The following CAPN7 variants were observed in gnomAD, a reference collection of about 807,000 sequenced individuals.
CAPN7 encodes calpain 7.
A neutral mutation model predicts 115.2 loss-of-function variants in CAPN7; 72 were observed. The observed-to-expected ratio is 0.63, with a 90% confidence interval of 0.52 to 0.76. The LOEUF (loss-of-function observed/expected upper bound fraction) is 0.76, where lower values mean the gene tolerates loss of function less well. Ranked by LOEUF, CAPN7 falls within the 30% of genes least tolerant of loss-of-function variation. The probability of loss-of-function intolerance (pLI) is 0.00; values close to 1 mark genes in which losing one functional copy is unlikely to be tolerated. For missense variants in CAPN7, 905 were observed against 971.5 expected, an observed-to-expected ratio of 0.93 and a Z score of 0.91; for synonymous variants, 344 against 322.3, an observed-to-expected ratio of 1.07 and a Z score of -0.72.
chr3:15,217,547 T>C lies in CAPN7; in HGVS notation c.334T>C (p.Leu112=), dbSNP rs1219404090. The C allele has an allele frequency of 3.7e-6, 6 of 1,613,740 alleles. No individual in the cohort carries two copies. The highest frequency in any genetic ancestry group is 4.2e-6 in the Non-Finnish European group (5 of 1,179,838). The change falls in exon 3 of 21, where the codon TTG becomes CTG. Residue 112 remains leucine, a synonymous_variant. Transcript: ENST00000253693. ...AGAGAATGTTGAAGATGCTATAGAA[T>C]TGTACACAGAAGCTGTGGATCTCTG... is the stretch of plus-strand genomic sequence containing the variant. ...EKENVEDAIE[L]YTEAVDLCLK... is the part of the protein sequence containing the mutation.
At position 15,230,427 on chromosome 3, in the gene CAPN7, T is replaced by C; in HGVS notation, c.939-15T>C. 6 of 1,541,606 alleles carry C rather than the reference T, an allele frequency of 3.9e-6. No individual in the cohort carries two copies. Among genetic ancestry groups the C allele is most frequent in the Non-Finnish European group, 5.4e-6 (6 of 1,114,208 alleles). ...ACTAATGTTGGTATTTTAATATTTA[T>C]TTTTCTTACAAAAGCATAATTTACC... On this transcript the variant is annotated splice_polypyrimidine_tract_variant and intron_variant, in intron 8 of 20. Transcript: ENST00000253693.
chr3:15,225,084 A>G (rs1174453028), intron 6 of CAPN7, among the ~76,000 whole-genome samples: 1 of 152,212 alleles, frequency 6.6e-6, no homozygotes, highest in African/African-American at 2.4e-5. Context: ...AAACTACCTC[A>G]TAATGTTACT....
chr3:15,231,326 A>G (rs1410316779), intron 9 of CAPN7, among the ~76,000 whole-genome samples: 2 of 152,208 alleles, frequency 1.3e-5, no homozygotes, highest in Admixed American at 1.3e-4. Flanking sequence ...CATTTCTAAC[A>G]AGATTCCAGG....
chr3:15,234,231 G>A (rs999626452), intron 11 of CAPN7, among the ~76,000 whole-genome samples: 1 of 152,166 alleles, frequency 6.6e-6, no homozygotes, highest in Non-Finnish European at 1.5e-5. Flanking sequence ...CAGGAGAATC[G>A]CTTGAACGCA....
chr3:15,210,468 G>A (rs934139764), intron 1 of CAPN7, among the ~76,000 whole-genome samples: 3 of 148,480 alleles, frequency 2.0e-5, no homozygotes, highest in African/African-American at 7.9e-5. Context: ...TACATGTAAA[G>A]TTATACTTTC....
chr3:15,212,384 C>T (rs1352085808), intron 2 of CAPN7, among the ~76,000 whole-genome samples, 172 bp downstream of exon 2: 1 of 152,124 alleles, frequency 6.6e-6, no homozygotes, highest in Non-Finnish European at 1.5e-5. Flanking sequence ...AGAAATAAGT[C>T]ATAGATCTTT....
chr3:15,224,450 T>G (rs1004595840), intron 6 of CAPN7, among the ~76,000 whole-genome samples: 12 of 152,044 alleles, frequency 7.9e-5, no homozygotes, highest in Admixed American at 2.6e-4. Context: ...TTTTTGTATT[T>G]TTGGTAGAGA....
rs1227132353 is a variant in CAPN7, at chr3:15,232,584, C to G, written c.1098C>G (p.Asn366Lys). 6.2e-7 allele frequency: 1 copy of G among 1,612,272 alleles called. No homozygotes were observed. Among genetic ancestry groups the G allele is most frequent in the Non-Finnish European group, 8.5e-7 (1 of 1,179,128 alleles). The change falls in exon 10 of 21, where the codon AAC (asparagine) becomes AAG (lysine). Residue 366 changes from asparagine (N) to lysine (K), a missense_variant. This residue lies in a region of CAPN7 where 620 missense variants were observed against 703.4 expected (regional missense o/e 0.88). Coordinates refer to ENST00000253693, the MANE Select transcript of CAPN7 (RefSeq NM_014296.3). ...AATTGCTCTGTTCTTATTCCAACAA[C>G]AAAAGTGAATTATGGGTTTCTCTCA... The part of the protein sequence containing the change: ...KGELLCSYSN[N>K]KSELWVSLIE...
At chr3:15,208,339 C>T (rs1488424762) in intron 1 of CAPN7, among the ~76,000 whole-genome samples, 3 of 151,700 alleles carry the variant, frequency 2.0e-5, no homozygotes, top group East Asian at 3.9e-4. Context: ...GCCTGGAGTG[C>T]CGTGGCCCAC....
intron 19 of CAPN7, among the ~76,000 whole-genome samples, chr3:15,249,335 A>G (rs1695865522): frequency 6.6e-6 from 1 of 152,080 alleles, no homozygotes; most frequent in South Asian, 2.1e-4. Flanking sequence ...TTTTTTAATT[A>G]TAAGCATGAA....
rs1694904424 is a variant in CAPN7 at position 15,235,007 on chromosome 3, C to T, written c.1287-18C>T. 1 of 1,595,102 alleles carries T rather than the reference C, an allele frequency of 6.3e-7. No homozygotes were observed. The highest frequency in any genetic ancestry group is 8.5e-7 in the Non-Finnish European group (1 of 1,172,766). On this transcript the variant is annotated intron_variant, in intron 11 of 20. Transcript: ENST00000253693. Reference sequence around the variant, plus strand: ...AATGTGTTTTACTTTAATTAATTGTCTTTGGGGTTCATTCCAGATTTCACA... The same window carrying T: ...AATGTGTTTTACTTTAATTAATTGTTTTTGGGGTTCATTCCAGATTTCACA...
intron 1 of CAPN7, chr3:15,210,751 G>T (rs534722488): frequency 1.6e-6 from 2 of 1,282,006 alleles, no homozygotes; most frequent in African/African-American, 1.5e-5. Flanking sequence ...TAGAGACAGG[G>T]TTTCACCATG....
At chr3:15,245,351 G>A (rs1469946185) in intron 16 of CAPN7, among the ~76,000 whole-genome samples, 175 bp from the exon 17 acceptor site, 3 of 151,792 alleles carry the variant, frequency 2.0e-5, no homozygotes, top group African/African-American at 7.3e-5. Flanking sequence ...TTGTTTATTA[G>A]GAACTGTTTA....
intron 12 of CAPN7, among the ~76,000 whole-genome samples, chr3:15,236,123 A>C (rs763645916): frequency 5.3e-5 from 8 of 152,218 alleles, no homozygotes; most frequent in Non-Finnish European, 1.0e-4. Flanking sequence ...TTGAGCCATG[A>C]TCACACCACT....
Position 15,251,497 on chromosome 3 carries a change from AT to A in CAPN7, c.*241del, listed in dbSNP as rs2125024435. On this transcript the variant is annotated 3_prime_UTR_variant, in exon 21 of 21. Transcript: ENST00000253693. ...TTTTGTGTATATAGAGTTGGCTTGCATTTTAGGGGCCATTTTGTATAAAAAG... is the reference window on the plus strand; with the variant it reads ...TTTTGTGTATATAGAGTTGGCTTGCATTTAGGGGCCATTTTGTATAAAAAG... The A allele has an allele frequency of 3.0e-6, 1 of 331,128 alleles. No individual in the cohort carries two copies. The highest frequency in any genetic ancestry group is 5.4e-6 in the Non-Finnish European group (1 of 183,672). 20.5% of individuals were successfully genotyped at this position (331,128 alleles called of 1,614,324 possible). A position where few individuals can be genotyped will look rare whatever the true frequency, so the allele number is the denominator to read the frequency against.
intron 2 of CAPN7, among the ~76,000 whole-genome samples, chr3:15,214,139 C>T (rs572894863): frequency 3.9e-5 from 6 of 152,132 alleles, no homozygotes; most frequent in African/African-American, 7.2e-5. Context: ...CTCGGCCTCC[C>T]AAAGTGCTGG....
chr3:15,216,087 CA>C (rs57720852), intron 2 of CAPN7, among the ~76,000 whole-genome samples: 32 of 143,884 alleles, frequency 2.2e-4, no homozygotes, highest in South Asian at 2.2e-4. Flanking sequence ...GATTCTGTCT[CA>C]AAAAAAAAAA....
rs1696054994 is a variant in CAPN7 at position 15,252,719 on chromosome 3, C to T, written c.*1459C>T. On this transcript the variant is annotated 3_prime_UTR_variant, in exon 21 of 21. Coordinates refer to ENST00000253693, the MANE Select transcript of CAPN7 (RefSeq NM_014296.3). ...ATAATAGAGCTCTAAAAACATGCCA[C>T]CAGTGTATGAATAAGGGAAAGATTA... The T allele has an allele frequency of 1.3e-5, 2 of 151,694 alleles. No homozygotes were observed. The highest frequency in any genetic ancestry group is 4.9e-5 in the African/African-American group (2 of 41,054). The allele number at this position is 151,694 out of a possible 1,614,324, so 9.4% of individuals were successfully genotyped here. A position where few individuals can be genotyped will look rare whatever the true frequency, so the allele number is the denominator to read the frequency against.
chr3:15,226,586 A>G (rs918922656), intron 6 of CAPN7, among the ~76,000 whole-genome samples: 1 of 152,296 alleles, frequency 6.6e-6, no homozygotes, highest in East Asian at 1.9e-4. Flanking sequence ...TCTGAATTCA[A>G]TTAGCTCACT....
Sources: allele counts gnomAD v4.1 joint callset (sites outside exome capture counted in the v4.1 genomes callset), GRCh38; gene constraint gnomAD v4.1.1; regional missense constraint gnomAD v4.1.1; transcripts MANE v1.5; gene names NCBI Gene and HGNC (gene_info 2026-07-23, HGNC 2026-07-21).